Variants in NFKBIZ observed in about 807,000 individuals in gnomAD.
NFKBIZ encodes NFKB inhibitor zeta.
Under a neutral mutation model 76.8 loss-of-function variants are expected in NFKBIZ, and 19 were observed. The ratio of observed to expected loss-of-function variants is 0.25; its 90% confidence interval spans 0.17 to 0.36. NFKBIZ has a LOEUF of 0.36. Among genes scored for constraint, NFKBIZ ranks in the 10% least tolerant of loss-of-function variants. The probability of loss-of-function intolerance (pLI) is 1.00; values close to 1 mark genes in which losing one functional copy is unlikely to be tolerated. For missense variants in NFKBIZ, 829 were observed against 910.9 expected (o/e 0.91, Z 1.16); for synonymous variants, 368 against 354.8 (o/e 1.04, Z -0.42).
intron 2 of NFKBIZ, among the ~76,000 whole-genome samples, chr3:101,838,531 A>G (rs1218890530): frequency 6.6e-6 from 1 of 152,240 alleles, no homozygotes; most frequent in East Asian, 1.9e-4. Flanking sequence ...TTATGCAGGC[A>G]CTTATATAAA....
intron 2 of NFKBIZ, among the ~76,000 whole-genome samples, chr3:101,837,322 T>G (rs768900665): frequency 1.3e-5 from 2 of 152,042 alleles, no homozygotes; most frequent in African/African-American, 2.4e-5. Context: ...ATTATTGTGT[T>G]AAGTCATTTA....
rs1301803161 is a variant in NFKBIZ, at chr3:101,849,803, G to A, written c.175G>A (p.Ala59Thr). Residue 59 changes from alanine (A) to threonine (T), a missense_variant, in exon 1 of 12, where the codon GCG becomes ACG. By Grantham distance (58) the Ala-to-Thr change is moderately conservative (BLOSUM62 0). Transcript: ENST00000326172. ...CAGCTGCTCGGTCTTGGGCCCCTCG[G>A]CGCCCGGCTCGCCCGGCTCCGACTC... Reference protein sequence around the residue: ...DASCSVLGPSAPGSPGSDSSD... With the variant: ...DASCSVLGPSTPGSPGSDSSD... 5 of 1,470,126 alleles carry A rather than the reference G, an allele frequency of 3.4e-6. No homozygotes were observed. In the East Asian group the frequency reaches 1.5e-4, roughly 44 times the overall value. The allele number at this position is 1,470,126 out of a possible 1,614,324, so 91.1% of individuals were successfully genotyped here. A position where few individuals can be genotyped will look rare whatever the true frequency, so the allele number is the denominator to read the frequency against.
chr3:101,856,885 T>C, intron 9 of NFKBIZ, 188 bp from the exon 10 acceptor site: 2 of 525,154 alleles, frequency 3.8e-6, no homozygotes, highest in Admixed American at 3.4e-5. Flanking sequence ...GACAAATTAA[T>C]AGGAAATTTA....
At chr3:101,835,564 C>T (rs1037895928) in intron 2 of NFKBIZ, among the ~76,000 whole-genome samples, 6 of 152,132 alleles carry the variant, frequency 3.9e-5, no homozygotes, top group South Asian at 2.1e-4. Flanking sequence ...TGTACATGGC[C>T]GCCTTCTCAC....
chr3:101,850,127 C>A, intron 1 of NFKBIZ: 1 of 447,766 alleles, frequency 2.2e-6, no homozygotes, highest in Non-Finnish European at 3.8e-6. Flanking sequence ...CGGCTCCCTC[C>A]CGCGGGCCTC....
chr3:101,829,521 T>A (rs1363627688), intron 1 of NFKBIZ: 1 of 152,256 alleles, frequency 6.6e-6, no homozygotes, highest in Admixed American at 6.5e-5. Flanking sequence ...CTAATTGTTC[T>A]GAGACCAATA....
Position 101,855,408 on chromosome 3 carries a change from G to T in NFKBIZ, c.1604G>T (p.Gly535Val). 1 of 1,614,194 alleles carries T rather than the reference G, an allele frequency of 6.2e-7. No individual in the cohort carries two copies. The highest frequency in any genetic ancestry group is 8.5e-7 in the Non-Finnish European group (1 of 1,180,026). The change falls in exon 8 of 12, where the codon GGA becomes GTA. Residue 535 changes from glycine to valine, a missense_variant. Physicochemically the swap from Gly to Val is moderately radical, Grantham distance 109. Around this residue, in one of 4 missense-constraint regions of NFKBIZ, gnomAD observed 272 missense variants for 384.2 expected, o/e 0.71. Transcript: ENST00000326172. Reference sequence around the variant, plus strand: ...TAAAATCTGCAGGCGATTCAGAAGGGAGCAGTGGGAAGTAATCAGTTTGTG... The same window carrying T: ...TAAAATCTGCAGGCGATTCAGAAGGTAGCAGTGGGAAGTAATCAGTTTGTG... ...HSQVLQAIQK[G>V]AVGSNQFVDL...
upstream of NFKBIZ, chr3:101,849,508 G>A (rs1942911219): frequency 1.2e-6 from 1 of 869,112 alleles, no homozygotes; most frequent in East Asian, 3.5e-5. Flanking sequence ...GTCCCGCGCC[G>A]CGCCCGTACT....
At chr3:101,832,740 T>C (rs1430473116) in intron 2 of NFKBIZ, among the ~76,000 whole-genome samples, 1 of 152,230 alleles carries the variant, frequency 6.6e-6, no homozygotes, top group African/African-American at 2.4e-5. Context: ...ACTTGGATTG[T>C]TTCTTTTGGC....
intron 9 of NFKBIZ, among the ~76,000 whole-genome samples, chr3:101,856,169 G>C (rs909845907): frequency 1.3e-5 from 2 of 151,870 alleles, no homozygotes; most frequent in Admixed American, 6.6e-5. Context: ...TCCTGCCTCA[G>C]CCTGCCCAGT....
At chr3:101,855,637 G>A (rs1943038956) in intron 8 of NFKBIZ, 96 bp from the exon 9 acceptor site, 1 of 1,379,890 alleles carries the variant, frequency 7.2e-7, no homozygotes, top group South Asian at 1.4e-5. Context: ...CCATTTATAG[G>A]TTAAGTTAGA....
At chr3:101,857,574 A>G in intron 11 of NFKBIZ, 115 bp downstream of exon 11, 2 of 1,512,356 alleles carry the variant, frequency 1.3e-6, no homozygotes, top group Non-Finnish European at 1.8e-6. Flanking sequence ...GGACTCTATC[A>G]GTGTCTGTGT....
chr3:101,848,937 G>C (rs144308831), upstream of NFKBIZ: 3 of 152,366 alleles, frequency 2.0e-5, no homozygotes, highest in Admixed American at 1.3e-4. Flanking sequence ...TGTTTGAGAA[G>C]GGAGGCTACG....
At chr3:101,842,258 G>A (rs1942794272) in intron 2 of NFKBIZ, among the ~76,000 whole-genome samples, 1 of 152,162 alleles carries the variant, frequency 6.6e-6, no homozygotes, top group Admixed American at 6.5e-5. Context: ...AGGAAGAGGA[G>A]AGAAGAACAG....
intron 2 of NFKBIZ, among the ~76,000 whole-genome samples, chr3:101,830,739 G>A (rs2107391174): frequency 6.6e-6 from 1 of 152,220 alleles, no homozygotes; most frequent in South Asian, 2.1e-4. Flanking sequence ...TGGGCATCTA[G>A]GTTGATTCCA....
upstream of NFKBIZ, among the ~76,000 whole-genome samples, chr3:101,844,878 A>C (rs1942829293): frequency 6.6e-6 from 1 of 152,226 alleles, no homozygotes; most frequent in African/African-American, 2.4e-5. Context: ...CAGTACAATA[A>C]CTTATCCTGT....
intron 2 of NFKBIZ, among the ~76,000 whole-genome samples, chr3:101,832,324 G>T (rs572930740): frequency 7.2e-5 from 11 of 152,196 alleles, no homozygotes; most frequent in South Asian, 2.1e-4. Flanking sequence ...ATACATAAAA[G>T]TTGCCATCTT....
At chr3:101,848,154 A>C (rs1168303564), upstream of NFKBIZ, among the ~76,000 whole-genome samples, 2 of 152,108 alleles carry the variant, frequency 1.3e-5, no homozygotes, top group South Asian at 4.1e-4. Flanking sequence ...ATCTTCTCTC[A>C]ACTGCTTGCA....
upstream of NFKBIZ, chr3:101,849,378 A>T: frequency 2.9e-6 from 1 of 344,378 alleles, no homozygotes; most frequent in Non-Finnish European, 5.2e-6. Context: ...CATCCTGTAC[A>T]TTTTACTGGA....
Sources: gnomAD v4.1 joint callset for allele counts (sites outside exome capture counted in the v4.1 genomes callset) on GRCh38, gnomAD v4.1.1 for gene constraint, gnomAD v4.1.1 regional missense constraint, MANE v1.5 for transcripts, NCBI Gene and HGNC (gene_info 2026-07-23, HGNC 2026-07-21) for gene names.